Variants in SYNPR observed in about 807,000 individuals in gnomAD.
SYNPR encodes the protein synaptoporin.
A neutral mutation model predicts 32.9 loss-of-function variants in SYNPR; 23 were observed. The observed-to-expected ratio is 0.70, with a 90% CI of 0.50 to 0.99. SYNPR has a LOEUF of 0.99. Ranked by LOEUF, SYNPR falls within the 50% of genes least tolerant of loss-of-function variation. The probability of loss-of-function intolerance (pLI) is 0.00; values close to 1 mark genes in which losing one functional copy is unlikely to be tolerated. For missense variants in SYNPR, 318 were observed against 349.3 expected, an observed-to-expected ratio of 0.91 and a Z score of 0.71; for synonymous variants, 146 against 135.9, an observed-to-expected ratio of 1.07 and a Z score of -0.52.
chr3:63,292,934 T>C (rs922402226), intron 2 of SYNPR, among the ~76,000 whole-genome samples: 4 of 152,196 alleles, frequency 2.6e-5, no homozygotes, highest in Non-Finnish European at 5.9e-5. Context: ...GAGTGTCAAG[T>C]TCTAGATCAG....
intron 2 of SYNPR, among the ~76,000 whole-genome samples, chr3:63,387,270 C>G (rs1480557089): frequency 2.0e-5 from 3 of 152,154 alleles, no homozygotes; most frequent in Non-Finnish European, 4.4e-5. Flanking sequence ...TTCAATCACT[C>G]TATTTAAATA....
At chr3:63,376,905 T>C (rs2087902484) in intron 2 of SYNPR, among the ~76,000 whole-genome samples, 1 of 152,138 alleles carries the variant, frequency 6.6e-6, no homozygotes, top group Non-Finnish European at 1.5e-5. Flanking sequence ...TTCTCTATTG[T>C]ATTCCTAGAG....
chr3:63,230,763 G>T (rs2086160629), intron 1 of SYNPR, among the ~76,000 whole-genome samples: 1 of 152,068 alleles, frequency 6.6e-6, no homozygotes, highest in Non-Finnish European at 1.5e-5. Context: ...TACCTCATAG[G>T]GTTGCTGTGA....
chr3:63,347,512 C>T (rs943534520), intron 2 of SYNPR, among the ~76,000 whole-genome samples: 1 of 152,098 alleles, frequency 6.6e-6, no homozygotes, highest in Non-Finnish European at 1.5e-5. Flanking sequence ...TTAAGGTATA[C>T]AAGTACAGTT....
At chr3:63,580,285 C>T (rs1263826490) in intron 4 of SYNPR, among the ~76,000 whole-genome samples, 1 of 152,148 alleles carries the variant, frequency 6.6e-6, no homozygotes, top group Non-Finnish European at 1.5e-5. Context: ...GATTGCGTTC[C>T]TTTGCCAAAA....
chr3:63,272,096 A>G (rs927409135), intron 3 of SYNPR, among the ~76,000 whole-genome samples: 4 of 152,204 alleles, frequency 2.6e-5, no homozygotes, highest in African/African-American at 9.6e-5. Context: ...GGGTGTTAAT[A>G]TCATAGACCA....
chr3:63,391,136 ATCTC>A (rs1166783258), intron 2 of SYNPR, among the ~76,000 whole-genome samples: 2 of 152,158 alleles, frequency 1.3e-5, no homozygotes, highest in South Asian at 2.1e-4. Context: ...CTTCCTGGAA[ATCTC>A]TCTATCTTTA....
intron 2 of SYNPR, among the ~76,000 whole-genome samples, chr3:63,301,961 C>T (rs1243926860): frequency 6.6e-6 from 1 of 152,052 alleles, no homozygotes; most frequent in Non-Finnish European, 1.5e-5. Flanking sequence ...GTTAACTTCA[C>T]CTCTGCAATT....
intron 2 of SYNPR, among the ~76,000 whole-genome samples, chr3:63,322,861 G>C (rs1214261562): frequency 6.6e-6 from 1 of 152,032 alleles, no homozygotes; most frequent in Non-Finnish European, 1.5e-5. Flanking sequence ...TTTTATGGAA[G>C]AGACTACAAA....
chr3:63,431,747 GA>G (rs372434170), intron 2 of SYNPR, among the ~76,000 whole-genome samples: 2,977 of 141,716 alleles, frequency 0.021, 96 homozygotes, highest in African/African-American at 0.069. Context: ...CAAACGAAAA[GA>G]AAAAAAAAAT....
Position 63,336,269 on chromosome 3 carries a change from C to T in SYNPR, c.84+57527C>T, listed in dbSNP as rs544304688. ...TTCTGCTTGAAGATGAAACTAAAAA[C>T]TATCAGGATAGTACAGGGAAGAGAT... On this transcript the variant is annotated intron_variant, in intron 2 of 5. Coordinates refer to ENST00000478300, the MANE Select transcript of SYNPR (RefSeq NM_001130003.2). Among the ~76,000 whole-genome samples, 5 of 151,826 alleles carry T rather than the reference C, an allele frequency of 3.3e-5. No individual in the cohort carries two copies. The South Asian group carries it at 1.0e-3, about 32-fold the overall frequency.
chr3:63,400,967 C>A (rs1026143558), intron 2 of SYNPR, among the ~76,000 whole-genome samples: 1 of 151,336 alleles, frequency 6.6e-6, no homozygotes, highest in Non-Finnish European at 1.5e-5. Context: ...AGAAGGAAAG[C>A]AAAATTGGCA....
chr3:63,364,508 A>C (rs1047167868), intron 2 of SYNPR, among the ~76,000 whole-genome samples: 3 of 152,190 alleles, frequency 2.0e-5, no homozygotes, highest in Non-Finnish European at 4.4e-5. Context: ...AAACATTGTA[A>C]ACAGTTATAT....
chr3:63,367,571 G>A (rs1000020356), intron 2 of SYNPR, among the ~76,000 whole-genome samples: 5 of 151,958 alleles, frequency 3.3e-5, no homozygotes, highest in South Asian at 2.1e-4. Flanking sequence ...GCCCAGCCTC[G>A]TCTCAAACTT....
chr3:63,430,040 C>T (rs1176875424), intron 2 of SYNPR, among the ~76,000 whole-genome samples: 3 of 152,144 alleles, frequency 2.0e-5, no homozygotes, highest in Non-Finnish European at 2.9e-5. Context: ...ACATATCCTT[C>T]GTCTGATTTT....
intron 4 of SYNPR, among the ~76,000 whole-genome samples, chr3:63,577,633 G>A (rs1429363723): frequency 6.6e-6 from 1 of 152,164 alleles, no homozygotes; most frequent in Non-Finnish European, 1.5e-5. Flanking sequence ...ATGTAGGTAT[G>A]TGTGAGTGGG....
At chr3:63,224,244 C>T (rs950340147), upstream of SYNPR, among the ~76,000 whole-genome samples, 2 of 152,120 alleles carry the variant, frequency 1.3e-5, no homozygotes, top group African/African-American at 2.4e-5. Flanking sequence ...CATAGGATTG[C>T]GGACCCTATT....
In SYNPR at chr3:63,615,489, G is replaced by C. The variant is rs1471044080; in HGVS notation, c.*8G>C. ...TTTACCAATCAGATTTAACAGAGTAGCATTTGCATTCTTCTGCAGTCGCCT... is the reference window on the plus strand; with the variant it reads ...TTTACCAATCAGATTTAACAGAGTACCATTTGCATTCTTCTGCAGTCGCCT... On this transcript the variant is annotated 3_prime_UTR_variant, in exon 6 of 6. Coordinates refer to ENST00000478300, the MANE Select transcript of SYNPR (RefSeq NM_001130003.2). 1 of 1,608,282 alleles carries C rather than the reference G, an allele frequency of 6.2e-7. No individual in the cohort carries two copies.
At chr3:63,534,798 A>T (rs976546711) in intron 3 of SYNPR, among the ~76,000 whole-genome samples, 1 of 152,120 alleles carries the variant, frequency 6.6e-6, no homozygotes, top group African/African-American at 2.4e-5. Context: ...AAGTTGGAGA[A>T]GGTCAGGCTC....
Sources: gnomAD v4.1 joint callset for allele counts (sites outside exome capture counted in the v4.1 genomes callset) on GRCh38, gnomAD v4.1.1 for gene constraint, MANE v1.5 for transcripts, NCBI Gene and HGNC (gene_info 2026-07-23, HGNC 2026-07-21) for gene names.